The following CAMK2D variants were observed in gnomAD, a reference collection of about 807,000 sequenced individuals.
CAMK2D encodes the protein calcium/calmodulin-dependent protein kinase type II subunit delta.
A neutral mutation model predicts 84.0 loss-of-function variants in CAMK2D; 37 were observed. That is an observed-to-expected ratio of 0.44 (90% CI 0.34 to 0.58). The LOEUF (loss-of-function observed/expected upper bound fraction) is 0.58, where lower values mean the gene tolerates loss of function less well. Among genes scored for constraint, CAMK2D ranks in the 20% least tolerant of loss-of-function variants. The pLI, the probability that CAMK2D is intolerant of heterozygous loss-of-function variation, is 0.02. For synonymous variants in CAMK2D, 202 were observed against 212.5 expected (o/e 0.95, Z 0.43); for missense variants, 448 against 652.5 (o/e 0.69, Z 3.41).
chr4:113,451,682 G>C lies in CAMK2D; in HGVS notation c.*2863C>G, dbSNP rs1273912653. On this transcript the variant is annotated 3_prime_UTR_variant, in exon 21 of 21. Transcript: ENST00000511664. ...ATATCTCCATTCCTGGCCTTGGTTT[G>C]GGTTTAGGAATGCAATGATGAATAC... The C allele has an allele frequency of 6.6e-6, 1 of 152,170 alleles. No individual in the cohort carries two copies. Among genetic ancestry groups the C allele is most frequent in the African/African-American group, 2.4e-5 (1 of 41,446 alleles). The allele number at this position is 152,170 out of a possible 1,614,324, so 9.4% of individuals were successfully genotyped here. A position where few individuals can be genotyped will look rare whatever the true frequency, so the allele number is the denominator to read the frequency against.
chr4:113,685,300 G>A lies in CAMK2D; in HGVS notation c.161-23528C>T, dbSNP rs150654474. Among the ~76,000 whole-genome samples the A allele has an allele frequency of 5.0e-3, 752 of 149,460 alleles. 10 individuals carry two copies. Among genetic ancestry groups the A allele is most frequent in the African/African-American group, 0.017 (706 of 40,352 alleles). ...GTCACCCAGGCTGGAGTGGAGTGGCGCGATCTCTGCTCACTGCAGCCTCTG... is the reference window on the plus strand; with the variant it reads ...GTCACCCAGGCTGGAGTGGAGTGGCACGATCTCTGCTCACTGCAGCCTCTG... On this transcript the variant is annotated intron_variant, in intron 2 of 20. Coordinates refer to ENST00000511664, the MANE Select transcript of CAMK2D (RefSeq NM_001321571.2).
At chr4:113,485,833 C>T (rs2097761007) in intron 16 of CAMK2D, among the ~76,000 whole-genome samples, 1 of 152,228 alleles carries the variant, frequency 6.6e-6, no homozygotes, top group Non-Finnish European at 1.5e-5. Flanking sequence ...CACTCTCCAA[C>T]TTGCATTTCA....
chr4:113,599,892 GAGGAGGAGGAGGAA>G (rs1561261786), intron 4 of CAMK2D, among the ~76,000 whole-genome samples: 12 of 152,114 alleles, frequency 7.9e-5, no homozygotes, highest in African/African-American at 2.9e-4. Flanking sequence ...GGAGGAGGAA[GAGGAGGAGGAGGAA>G]GAGGAGAAGT....
intron 3 of CAMK2D, among the ~76,000 whole-genome samples, chr4:113,621,350 T>C (rs2099045443): frequency 1.3e-5 from 2 of 152,222 alleles, no homozygotes. Context: ...ACATTTTAAA[T>C]GTTCTCAATA....
rs2097273315 is a variant in CAMK2D at position 113,453,686 on chromosome 4, C to T, written c.*859G>A. 6.6e-6 allele frequency: 1 copy of T among 151,702 alleles called. No individual in the cohort carries two copies. The highest frequency in any genetic ancestry group is 2.4e-5 in the African/African-American group (1 of 41,210). The allele number at this position is 151,702 out of a possible 1,614,324, so 9.4% of individuals were successfully genotyped here. On this transcript the variant is annotated 3_prime_UTR_variant, in exon 21 of 21. Transcript: ENST00000511664. ...TCTTTTCTCACACACTACTAGCCAGCCTCCCCAAAAAAGGAAAAGGGAAAA... is the reference window on the plus strand; with the variant it reads ...TCTTTTCTCACACACTACTAGCCAGTCTCCCCAAAAAAGGAAAAGGGAAAA...
At position 113,572,448 on chromosome 4, in the gene CAMK2D, T is replaced by TA. The variant is rs965186196; in HGVS notation, c.276-20353dup. 2.1e-3 allele frequency among the ~76,000 whole-genome samples: 307 copies of TA among 144,926 alleles called. 1 individual carries two copies. Among genetic ancestry groups the TA allele is most frequent in the African/African-American group, 6.0e-3 (238 of 39,752 alleles). On this transcript the variant is annotated intron_variant, in intron 4 of 20. Transcript: ENST00000511664. ...GGTACACTGGAATGAAATTTTTATT[T>TA]AAAAAAAAAAACCAAACACAAAGGA...
At chr4:113,596,926 T>C (rs957720204) in intron 4 of CAMK2D, among the ~76,000 whole-genome samples, 4 of 151,912 alleles carry the variant, frequency 2.6e-5, no homozygotes, top group Non-Finnish European at 5.9e-5. Context: ...TTCACGCCAT[T>C]CTCCTGCCTC....
At chr4:113,747,859 C>T (rs1043079075) in intron 2 of CAMK2D, among the ~76,000 whole-genome samples, 1 of 152,042 alleles carries the variant, frequency 6.6e-6, no homozygotes, top group Non-Finnish European at 1.5e-5. Context: ...AGAAAAAACT[C>T]CCATTCTTTT....
chr4:113,752,311 G>A (rs1444240166), intron 2 of CAMK2D, among the ~76,000 whole-genome samples: 2 of 151,754 alleles, frequency 1.3e-5, no homozygotes, highest in Admixed American at 6.6e-5. Flanking sequence ...AGGAAAACAG[G>A]AAACCTATTG....
intron 2 of CAMK2D, among the ~76,000 whole-genome samples, chr4:113,731,586 T>C (rs932284356): frequency 1.0e-4 from 10 of 96,070 alleles, no homozygotes; most frequent in Admixed American, 8.3e-4. Context: ...GGGTTATTGC[T>C]TTTTTTTTTT....
chr4:113,758,241 TG>T (rs1291705149), intron 2 of CAMK2D, among the ~76,000 whole-genome samples: 1 of 152,160 alleles, frequency 6.6e-6, no homozygotes, highest in African/African-American at 2.4e-5. Context: ...CTCAGAATCA[TG>T]TCAAAATCAG....
intron 16 of CAMK2D, among the ~76,000 whole-genome samples, chr4:113,494,411 A>C (rs1324670290): frequency 6.6e-6 from 1 of 152,126 alleles, no homozygotes; most frequent in Non-Finnish European, 1.5e-5. Context: ...GTGAGGTGTC[A>C]GTGTGCCCCT....
intron 1 of CAMK2D, among the ~76,000 whole-genome samples, chr4:113,759,674 A>T (rs1346849231): frequency 6.6e-6 from 1 of 152,238 alleles, no homozygotes; most frequent in Admixed American, 6.5e-5. Flanking sequence ...TGTTTGCACA[A>T]GAAATTTGAA....
intron 2 of CAMK2D, among the ~76,000 whole-genome samples, chr4:113,694,391 ATAAT>A (rs2099396828): frequency 6.6e-6 from 1 of 152,202 alleles, no homozygotes; most frequent in Non-Finnish European, 1.5e-5. Context: ...TGAGAAGTTA[ATAAT>A]TAAGAAAAAA....
intron 2 of CAMK2D, among the ~76,000 whole-genome samples, chr4:113,727,177 C>G (rs570782917): frequency 6.6e-6 from 1 of 152,238 alleles, no homozygotes; most frequent in South Asian, 2.1e-4. Context: ...TGTAGAGATT[C>G]AATGCCATTC....
chr4:113,657,790 T>C (rs918592112), intron 3 of CAMK2D, among the ~76,000 whole-genome samples: 1 of 152,088 alleles, frequency 6.6e-6, no homozygotes, highest in Non-Finnish European at 1.5e-5. Context: ...AAAGACACAT[T>C]CAAATATAAA....
intron 3 of CAMK2D, among the ~76,000 whole-genome samples, chr4:113,645,103 A>G (rs1309262611): frequency 6.6e-6 from 1 of 151,724 alleles, no homozygotes; most frequent in Non-Finnish European, 1.5e-5. Flanking sequence ...TACAAGCTCC[A>G]CCTCCCGGGT....
chr4:113,593,108 C>T (rs959429430), intron 4 of CAMK2D, among the ~76,000 whole-genome samples: 1 of 152,134 alleles, frequency 6.6e-6, no homozygotes, highest in Non-Finnish European at 1.5e-5. Flanking sequence ...CCTACCCTGG[C>T]CTCCCAAAGT....
chr4:113,689,990 A>G lies in CAMK2D; in HGVS notation c.161-28218T>C, dbSNP rs541376541. Among the ~76,000 whole-genome samples, 17 of 152,298 alleles carry G rather than the reference A, an allele frequency of 1.1e-4. No individual in the cohort carries two copies. In the South Asian group the frequency reaches 3.3e-3, roughly 30 times the overall value. ...TTGAACATATAACCAAGCTACTATGAAAGAATTAACATTAAGTTTGAATAC... is the reference window on the plus strand; with the variant it reads ...TTGAACATATAACCAAGCTACTATGGAAGAATTAACATTAAGTTTGAATAC... On this transcript the variant is annotated intron_variant, in intron 2 of 20. Coordinates refer to ENST00000511664, the MANE Select transcript of CAMK2D (RefSeq NM_001321571.2).
Sources: gnomAD v4.1 joint callset for allele counts (sites outside exome capture counted in the v4.1 genomes callset) on GRCh38, gnomAD v4.1.1 for gene constraint, MANE v1.5 for transcripts, NCBI Gene and HGNC (gene_info 2026-07-23, HGNC 2026-07-21) for gene names.